TCF7L1: variants seen among roughly 807,000 people sequenced by gnomAD.
The protein encoded by TCF7L1 is transcription factor 7 like 1.
In TCF7L1, 18 loss-of-function variants were observed where a neutral mutation model predicts 63.7. The ratio of observed to expected loss-of-function variants is 0.28; its 90% CI spans 0.20 to 0.42. The LOEUF is 0.42. Among genes scored for constraint, TCF7L1 ranks in the 10% least tolerant of loss-of-function variants. TCF7L1 has a pLI of 1.00. For synonymous variants in TCF7L1, 355 were observed against 340.9 expected (o/e 1.04, Z -0.46); for missense variants, 654 against 779.3 (o/e 0.84, Z 1.91).
At chr2:85,227,670 G>A (rs1679988275) in intron 3 of TCF7L1, among the ~76,000 whole-genome samples, 1 of 152,088 alleles carries the variant, frequency 6.6e-6, no homozygotes, top group East Asian at 1.9e-4. Flanking sequence ...TTATTTGAGT[G>A]TATATGGCTC....
chr2:85,236,920 C>T (rs371220102), intron 3 of TCF7L1, among the ~76,000 whole-genome samples: 62 of 152,260 alleles, frequency 4.1e-4, no homozygotes, highest in African/African-American at 1.4e-3. Flanking sequence ...CACCACGGGG[C>T]GAGGGCATCA....
At chr2:85,182,697 G>A (rs1208120202) in intron 3 of TCF7L1, among the ~76,000 whole-genome samples, 7 of 152,128 alleles carry the variant, frequency 4.6e-5, no homozygotes, top group African/African-American at 7.2e-5. Context: ...ATAACACCCC[G>A]AATGGCTTAG....
intron 3 of TCF7L1, among the ~76,000 whole-genome samples, chr2:85,187,499 A>T (rs1678952493): frequency 6.6e-6 from 1 of 152,142 alleles, no homozygotes; most frequent in Non-Finnish European, 1.5e-5. Flanking sequence ...ATCCATTTTG[A>T]GTTACTTTTC....
chr2:85,230,839 C>T (rs1261630894), intron 3 of TCF7L1, among the ~76,000 whole-genome samples: 2 of 152,146 alleles, frequency 1.3e-5, no homozygotes, highest in East Asian at 3.8e-4. Flanking sequence ...AGCTTCAAGG[C>T]TGCATACACG....
At chr2:85,209,507 CT>C (rs1679495400) in intron 3 of TCF7L1, among the ~76,000 whole-genome samples, 1 of 152,170 alleles carries the variant, frequency 6.6e-6, no homozygotes, top group African/African-American at 2.4e-5. Context: ...CCTCAATGCC[CT>C]AAGGAGCATC....
chr2:85,223,794 C>CT (rs1383735560), intron 3 of TCF7L1, among the ~76,000 whole-genome samples: 3 of 152,070 alleles, frequency 2.0e-5, no homozygotes, highest in East Asian at 1.9e-4. Flanking sequence ...CCTATTTTAC[C>CT]TTTTTTTATT....
intron 3 of TCF7L1, among the ~76,000 whole-genome samples, chr2:85,218,642 G>GGGC (rs1679767807): frequency 1.3e-5 from 2 of 150,832 alleles, no homozygotes; most frequent in African/African-American, 4.9e-5. Context: ...ATTCCAATGG[G>GGGC]GGGGGGAAAA....
intron 3 of TCF7L1, among the ~76,000 whole-genome samples, chr2:85,141,269 G>A (rs1258702400): frequency 6.6e-6 from 1 of 152,160 alleles, no homozygotes; most frequent in Admixed American, 6.5e-5. Context: ...AATAAGAGGA[G>A]CTTTTGGAAT....
chr2:85,156,847 G>A (rs1202018363), intron 3 of TCF7L1, among the ~76,000 whole-genome samples: 2 of 152,230 alleles, frequency 1.3e-5, no homozygotes, highest in Admixed American at 1.3e-4. Flanking sequence ...CTGCCCAGGA[G>A]ACATTTGGCA....
intron 3 of TCF7L1, among the ~76,000 whole-genome samples, chr2:85,207,709 GT>G: frequency 6.6e-6 from 1 of 151,920 alleles, no homozygotes; most frequent in Middle Eastern, 3.4e-3. Flanking sequence ...TGATTTTATG[GT>G]GGTGCAAAAG....
intron 3 of TCF7L1, among the ~76,000 whole-genome samples, chr2:85,269,575 T>C (rs1343915130): frequency 6.6e-6 from 1 of 152,268 alleles, no homozygotes; most frequent in African/African-American, 2.4e-5. Flanking sequence ...CCCAAAGTGC[T>C]GGGCTTACAG....
intron 4 of TCF7L1, among the ~76,000 whole-genome samples, chr2:85,289,772 A>G (rs1681645139): frequency 6.6e-6 from 1 of 151,868 alleles, no homozygotes; most frequent in African/African-American, 2.4e-5. Context: ...CCTGGGTTCA[A>G]GAGATTCTCC....
intron 3 of TCF7L1, among the ~76,000 whole-genome samples, chr2:85,261,719 C>T (rs1477332634): frequency 7.6e-6 from 1 of 131,190 alleles, no homozygotes; most frequent in African/African-American, 2.5e-5. Context: ...AGCAAGATCC[C>T]ATCTGTTAAA....
At chr2:85,233,387 T>C (rs6749942) in intron 3 of TCF7L1, among the ~76,000 whole-genome samples, 36,254 of 150,964 alleles carry the variant, frequency 0.24, 8,253 homozygotes, top group African/African-American at 0.6. Flanking sequence ...GTGATTTCGG[T>C]TCACTGCAAC....
At chr2:85,153,845 G>T (rs1678078871) in intron 3 of TCF7L1, among the ~76,000 whole-genome samples, 1 of 152,134 alleles carries the variant, frequency 6.6e-6, no homozygotes, top group African/African-American at 2.4e-5. Flanking sequence ...TGTTACTGTT[G>T]ATTTACATTT....
At chr2:85,196,186 A>C (rs1218265719) in intron 3 of TCF7L1, among the ~76,000 whole-genome samples, 4 of 152,222 alleles carry the variant, frequency 2.6e-5, no homozygotes, top group Non-Finnish European at 5.9e-5. Context: ...TCGGGACAGG[A>C]GTTCAGATGC....
At chr2:85,216,520 C>T (rs1333996891) in intron 3 of TCF7L1, among the ~76,000 whole-genome samples, 1 of 152,126 alleles carries the variant, frequency 6.6e-6, no homozygotes, top group East Asian at 1.9e-4. Flanking sequence ...TTTTATTTTG[C>T]CTCAGAGAGT....
chr2:85,154,526 A>T (rs1678096568), intron 3 of TCF7L1, among the ~76,000 whole-genome samples: 1 of 152,132 alleles, frequency 6.6e-6, no homozygotes, highest in Non-Finnish European at 1.5e-5. Context: ...TGTTTGGAAT[A>T]CTACCCCTCC....
chr2:85,277,621 G>A (rs781670366), intron 3 of TCF7L1, among the ~76,000 whole-genome samples: 8 of 152,196 alleles, frequency 5.3e-5, no homozygotes, highest in Admixed American at 2.0e-4. Flanking sequence ...CCAAAAATGG[G>A]CGAGACCATG....
Sources: allele counts gnomAD v4.1 joint callset (sites outside exome capture counted in the v4.1 genomes callset), GRCh38; gene constraint gnomAD v4.1.1; transcripts MANE v1.5; gene names NCBI Gene and HGNC (gene_info 2026-07-23, HGNC 2026-07-21).